The following ITSN2 variants were observed in gnomAD, a reference collection of about 807,000 sequenced individuals.
ITSN2 encodes intersectin-2.
ITSN2 carries 156 observed loss-of-function variants against 243.7 expected under a neutral mutation model. That is an observed-to-expected ratio of 0.64 (90% confidence interval 0.56 to 0.73). The LOEUF (loss-of-function observed/expected upper bound fraction) is 0.73. Ranked by LOEUF, ITSN2 falls within the 30% of genes least tolerant of loss-of-function variation. The pLI, the probability that ITSN2 is intolerant of heterozygous loss-of-function variation, is 0.00. For missense variants in ITSN2, 1,801 were observed against 1,996.1 expected, an observed-to-expected ratio of 0.90 and a Z score of 1.86; for synonymous variants, 703 against 699.9, an observed-to-expected ratio of 1.00 and a Z score of -0.07.
chr2:24,337,516 A>G (rs1686584057), intron 1 of ITSN2, among the ~76,000 whole-genome samples: 1 of 146,956 alleles, frequency 6.8e-6, no homozygotes, highest in Non-Finnish European at 1.5e-5. Context: ...ATGCCCAGCT[A>G]ATTTTTTGTA....
chr2:24,267,151 C>G (rs1349030962), intron 20 of ITSN2, among the ~76,000 whole-genome samples: 2 of 151,996 alleles, frequency 1.3e-5, no homozygotes, highest in East Asian at 3.9e-4. Context: ...AAACCAAACA[C>G]CACATGTTCT....
chr2:24,304,507 C>T lies in ITSN2; in HGVS notation c.794-645G>A, dbSNP rs6710276. ...TTTCATTCTATTTTTTTAATCTGGA[C>T]ATTTAACATAAATCACATAAAAACA... is the stretch of plus-strand genomic sequence containing the variant. On this transcript the variant is annotated intron_variant, in intron 8 of 39. Coordinates refer to ENST00000355123, the MANE Select transcript of ITSN2 (RefSeq NM_006277.3). Among the ~76,000 whole-genome samples, 1,102 of 152,126 alleles carry T rather than the reference C, an allele frequency of 7.2e-3. 7 individuals carry two copies. Among genetic ancestry groups the T allele is most frequent in the African/African-American group, 0.026 (1,061 of 41,478 alleles).
intron 17 of ITSN2, 77 bp downstream of exon 17, chr2:24,284,686 G>A: frequency 1.2e-6 from 1 of 836,388 alleles, no homozygotes; most frequent in Non-Finnish European, 2.0e-6. Flanking sequence ...TCAGATAAAG[G>A]CAAAGAATAG....
At chr2:24,339,569 G>C (rs961389723) in intron 1 of ITSN2, among the ~76,000 whole-genome samples, 1 of 152,130 alleles carries the variant, frequency 6.6e-6, no homozygotes, top group African/African-American at 2.4e-5. Context: ...CAACAGAGGT[G>C]GGGTAGGGAG....
At chr2:24,309,034 A>G (rs1682914211) in intron 7 of ITSN2, 1 of 341,406 alleles carries the variant, frequency 2.9e-6, no homozygotes, top group East Asian at 9.9e-5. Flanking sequence ...CCTAGGTTGG[A>G]TGCTCCCTTT....
intron 1 of ITSN2, among the ~76,000 whole-genome samples, chr2:24,338,808 C>G (rs565444062): frequency 6.6e-6 from 1 of 152,178 alleles, no homozygotes. Context: ...CCAGGCAACA[C>G]AGCAAGACCC....
chr2:24,217,625 G>C (rs1219373450), intron 31 of ITSN2, among the ~76,000 whole-genome samples: 2 of 151,990 alleles, frequency 1.3e-5, no homozygotes, highest in Admixed American at 6.5e-5. Context: ...GCCCTGCCAG[G>C]GTCAAGGACA....
At chr2:24,344,899 C>A (rs534060675) in intron 1 of ITSN2, among the ~76,000 whole-genome samples, 135 of 152,224 alleles carry the variant, frequency 8.9e-4, no homozygotes, top group African/African-American at 3.2e-3. Context: ...TTGCAGTGAG[C>A]CCAGATTGCG....
chr2:24,300,467 C>G (rs950073265), intron 11 of ITSN2, among the ~76,000 whole-genome samples: 6 of 152,086 alleles, frequency 3.9e-5, no homozygotes, highest in Non-Finnish European at 8.8e-5. Context: ...CCTGTAATCC[C>G]AACACTTTGG....
In ITSN2 at chr2:24,204,227, T is replaced by C. The variant is rs1355219009; in HGVS notation, c.4936+18A>G. The stretch of plus-strand genomic sequence containing the variant: ...AAACTGGGAAAGCCTTTAGATCCCC[T>C]GGCTGAGCGACACTTACCATCTGGT... On this transcript the variant is annotated intron_variant, in intron 39 of 39. Coordinates refer to ENST00000355123, the MANE Select transcript of ITSN2 (RefSeq NM_006277.3). This position sits in a 1 kb window ranked among gnomAD's most constrained non-coding sequence, Gnocchi z 5.1. The C allele has an allele frequency of 6.2e-7, 1 of 1,613,288 alleles. No individual in the cohort carries two copies. The highest frequency in any genetic ancestry group is 1.7e-5 in the Admixed American group (1 of 60,030).
At chr2:24,355,280 GAATT>G (rs1177171020) in intron 1 of ITSN2, among the ~76,000 whole-genome samples, 4 of 152,178 alleles carry the variant, frequency 2.6e-5, no homozygotes, top group Non-Finnish European at 5.9e-5. Flanking sequence ...TCCACTTACA[GAATT>G]AATTATAAAC....
At position 24,212,665 on chromosome 2, in the gene ITSN2, T is replaced by C; in HGVS notation, c.4074A>G (p.Pro1358=). The part of the protein sequence containing the change: ...LKPMQRITRY[P]LLIRSILENT... Reference sequence around the variant, plus strand: ...GCACACTCACACTTCTGATGAGCAGTGGGTAGCGGGTGATCCTCTGCATGG... The same window carrying C: ...GCACACTCACACTTCTGATGAGCAGCGGGTAGCGGGTGATCCTCTGCATGG... The change falls in exon 33 of 40, where the codon CCA becomes CCG. Residue 1358 remains proline, a synonymous_variant. Transcript: ENST00000355123. The C allele has an allele frequency of 3.7e-6, 6 of 1,611,054 alleles. No individual in the cohort carries two copies. The highest frequency in any genetic ancestry group is 5.1e-6 in the Non-Finnish European group (6 of 1,178,740).
Position 24,246,112 on chromosome 2 carries a change from A to G in ITSN2, c.3577+17T>C, listed in dbSNP as rs370514009. Reference sequence around the variant, plus strand: ...GTTTCACACTAGGTGAGAGAAAAATAATTTAATATTACTCACACTGTTGAC... The same window carrying G: ...GTTTCACACTAGGTGAGAGAAAAATGATTTAATATTACTCACACTGTTGAC... On this transcript the variant is annotated intron_variant, in intron 29 of 39. Transcript: ENST00000355123. The G allele has an allele frequency of 5.3e-5, 84 of 1,574,342 alleles. No individual in the cohort carries two copies. The highest frequency in any genetic ancestry group is 5.8e-5 in the Non-Finnish European group (67 of 1,152,014).
chr2:24,334,550 G>A (rs1574350820), intron 1 of ITSN2: 1 of 888,494 alleles, frequency 1.1e-6, no homozygotes, highest in Non-Finnish European at 1.8e-6. Flanking sequence ...CTTTCTGTAA[G>A]AAGTGTGGCA....
At chr2:24,321,670 G>A (rs993295212) in intron 2 of ITSN2, 1 of 152,132 alleles carries the variant, frequency 6.6e-6, no homozygotes, top group Non-Finnish European at 1.5e-5. Flanking sequence ...AAATAAACCT[G>A]TCAGGATTCC....
intron 17 of ITSN2, among the ~76,000 whole-genome samples, chr2:24,278,224 A>G (rs1018445932): frequency 1.3e-5 from 2 of 152,140 alleles, no homozygotes; most frequent in African/African-American, 4.8e-5. Flanking sequence ...TACTAACCCT[A>G]TTCCCTGCAG....
chr2:24,319,960 T>C (rs1172404932), intron 2 of ITSN2, among the ~76,000 whole-genome samples: 1 of 152,224 alleles, frequency 6.6e-6, no homozygotes, highest in Non-Finnish European at 1.5e-5. Flanking sequence ...ACTCACTGGC[T>C]AGGGTTGTCA....
chr2:24,236,865 TTTA>T (rs997622900), intron 29 of ITSN2, among the ~76,000 whole-genome samples: 13 of 150,916 alleles, frequency 8.6e-5, no homozygotes, highest in African/African-American at 2.9e-4. Context: ...TCTTTTATTT[TTTA>T]TTTTTTTTTG....
chr2:24,254,494 G>A, intron 23 of ITSN2, 63 bp from the exon 24 acceptor site: 1 of 1,326,080 alleles, frequency 7.5e-7, no homozygotes, highest in Non-Finnish European at 1.1e-6. Flanking sequence ...TAAGAAAGGT[G>A]ATTTGATGCA....
Sources: gnomAD v4.1 joint callset for allele counts (sites outside exome capture counted in the v4.1 genomes callset) on GRCh38, gnomAD v4.1.1 for gene constraint, Gnocchi (gnomAD v3.1) non-coding constraint, MANE v1.5 for transcripts, NCBI Gene and HGNC (gene_info 2026-07-23, HGNC 2026-07-21) for gene names.